The following GRM1 variants were observed in gnomAD, a reference collection of about 807,000 sequenced individuals.
GRM1 encodes the protein metabotropic glutamate receptor 1.
In GRM1, 33 loss-of-function variants were observed where a neutral mutation model predicts 90.9. The ratio of observed to expected loss-of-function variants is 0.36; its 90% CI spans 0.28 to 0.49. The LOEUF (loss-of-function observed/expected upper bound fraction) is 0.49. Ranked by LOEUF, GRM1 falls within the 20% of genes least tolerant of loss-of-function variation. GRM1 has a pLI of 0.99. For synonymous variants in GRM1, 700 were observed against 613.2 expected (o/e 1.14, Z -2.09); for missense variants, 1,190 against 1,534.3 (o/e 0.78, Z 3.75).
chr6:146,388,440 A>T (rs1237959579), intron 6 of GRM1, among the ~76,000 whole-genome samples: 1 of 152,062 alleles, frequency 6.6e-6, no homozygotes, highest in African/African-American at 2.4e-5. Context: ...TATTCAGAGT[A>T]CATAAAAAAT....
chr6:146,347,338 C>T lies in GRM1; in HGVS notation c.1187-4912C>T, dbSNP rs1785220938. 2.6e-5 allele frequency among the ~76,000 whole-genome samples: 4 copies of T among 152,142 alleles called. No individual in the cohort carries two copies. The South Asian group carries it at 8.3e-4, about 31-fold the overall frequency. On this transcript the variant is annotated intron_variant, in intron 3 of 7. Coordinates refer to ENST00000282753, the MANE Select transcript of GRM1 (RefSeq NM_001278064.2). ...CATCTGTCCTTGCTGACTCTGTGAC[C>T]TTGAACTTAGGACTCCTGATTTTAG...
intron 1 of GRM1, among the ~76,000 whole-genome samples, chr6:146,078,636 C>G (rs939034875): frequency 4.6e-5 from 7 of 152,058 alleles, no homozygotes; most frequent in African/African-American, 1.7e-4. Context: ...GATACATATA[C>G]TTGGGTAAAA....
intron 7 of GRM1, among the ~76,000 whole-genome samples, chr6:146,418,703 T>C (rs1413905446): frequency 6.6e-6 from 1 of 152,098 alleles, no homozygotes; most frequent in African/African-American, 2.4e-5. Flanking sequence ...AAATTATTTC[T>C]TGCTAATATT....
intron 1 of GRM1, among the ~76,000 whole-genome samples, chr6:146,153,594 G>A (rs984635294): frequency 1.3e-5 from 2 of 152,096 alleles, no homozygotes; most frequent in African/African-American, 2.4e-5. Context: ...ATGAGAACAC[G>A]TGGACATATG....
chr6:146,262,790 A>G (rs1291974698), intron 2 of GRM1, among the ~76,000 whole-genome samples: 1 of 151,942 alleles, frequency 6.6e-6, no homozygotes, highest in East Asian at 1.9e-4. Flanking sequence ...AAGTAAGTAT[A>G]TTGATAAATA....
At chr6:146,406,872 G>T (rs192251024) in intron 7 of GRM1, among the ~76,000 whole-genome samples, 1 of 152,004 alleles carries the variant, frequency 6.6e-6, no homozygotes, top group East Asian at 1.9e-4. Flanking sequence ...AAAGAATAAA[G>T]GAGAAGGAGA....
chr6:146,319,806 A>G (rs1194630921), intron 3 of GRM1, among the ~76,000 whole-genome samples: 3 of 152,132 alleles, frequency 2.0e-5, no homozygotes, highest in South Asian at 2.1e-4. Context: ...ATTTTTGCAC[A>G]TTGCTTCTGT....
chr6:146,275,256 A>G (rs955758007), intron 2 of GRM1, among the ~76,000 whole-genome samples: 1 of 152,164 alleles, frequency 6.6e-6, no homozygotes, highest in Admixed American at 6.5e-5. Flanking sequence ...AAATTGCAGT[A>G]GGCAGGGCAC....
At chr6:146,282,376 T>A (rs927486114) in intron 2 of GRM1, among the ~76,000 whole-genome samples, 1 of 152,180 alleles carries the variant, frequency 6.6e-6, no homozygotes, top group Non-Finnish European at 1.5e-5. Flanking sequence ...TTGTTTATTG[T>A]ATGTCTGACC....
intron 1 of GRM1, among the ~76,000 whole-genome samples, chr6:146,067,384 T>G (rs1775883555): frequency 6.6e-6 from 1 of 152,226 alleles, no homozygotes; most frequent in Admixed American, 6.5e-5. Flanking sequence ...CAACCACTAT[T>G]ATTGTAAAGT....
intron 2 of GRM1, among the ~76,000 whole-genome samples, chr6:146,207,982 C>T (rs1379739870): frequency 6.6e-6 from 1 of 152,122 alleles, no homozygotes; most frequent in Admixed American, 6.5e-5. Flanking sequence ...TCCCTCCTTT[C>T]CCCTCTTGCA....
At chr6:146,060,080 A>G (rs1316152031) in intron 1 of GRM1, among the ~76,000 whole-genome samples, 4 of 152,054 alleles carry the variant, frequency 2.6e-5, no homozygotes, top group African/African-American at 9.7e-5. Context: ...TGCATTCACA[A>G]CTTGGCTAAC....
Position 146,202,805 on chromosome 6 carries a change from C to G in GRM1, c.950+43208C>G, listed in dbSNP as rs566315783. 1.8e-3 allele frequency among the ~76,000 whole-genome samples: 269 copies of G among 152,286 alleles called. 2 individuals are homozygous for G. The highest frequency in any genetic ancestry group is 6.2e-3 in the African/African-American group (257 of 41,548). The stretch of plus-strand genomic sequence containing the variant: ...GCTGGGTTGGCTGCAAGAACTTCAG[C>G]AGAAAACTTTTTAAAAATTAGTCGA... On this transcript the variant is annotated intron_variant, in intron 2 of 7. Coordinates refer to ENST00000282753, the MANE Select transcript of GRM1 (RefSeq NM_001278064.2).
rs76390831 is a variant in GRM1 at position 146,281,489 on chromosome 6, C to T, written c.951-23122C>T. 1.5e-3 allele frequency among the ~76,000 whole-genome samples: 228 copies of T among 152,194 alleles called. 4 individuals carry two copies. In the East Asian group the frequency reaches 0.037, roughly 25 times the overall value. ...CTAAAGAAATTGTAATTAAAAATGG[C>T]CTTTTGCTATGTTTGACAAAGGACA... On this transcript the variant is annotated intron_variant, in intron 2 of 7. Transcript: ENST00000282753.
Position 146,159,498 on chromosome 6 carries a change from C to T in GRM1, c.851C>T (p.Ala284Val), listed in dbSNP as rs1448466753. Residue 284 changes from alanine (A) to valine (V), a missense_variant, in exon 2 of 8, where the codon GCT (alanine) becomes GTT (valine). By Grantham distance (64) the Ala-to-Val change is moderately conservative (BLOSUM62 0). This residue lies in a region of GRM1 where 45 missense variants were observed against 45.5 expected (regional missense o/e 0.99). Coordinates refer to ENST00000282753, the MANE Select transcript of GRM1 (RefSeq NM_001278064.2). ...AAACTCCGAGAGAGGCTTCCCAAGG[C>T]TAGAGTGGTGGTCTGCTTCTGTGAA... Reference protein sequence around the residue: ...LRKLRERLPKARVVVCFCEGM... With the variant: ...LRKLRERLPKVRVVVCFCEGM... 1 of 1,614,144 alleles carries T rather than the reference C, an allele frequency of 6.2e-7. No individual in the cohort carries two copies. The highest frequency in any genetic ancestry group is 1.1e-5 in the South Asian group (1 of 91,084).
intron 3 of GRM1, among the ~76,000 whole-genome samples, chr6:146,340,703 A>G (rs1784942403): frequency 1.3e-5 from 2 of 151,668 alleles, no homozygotes; most frequent in East Asian, 3.9e-4. Context: ...GCACCACTAC[A>G]CCCAGCTAAT....
intron 2 of GRM1, among the ~76,000 whole-genome samples, chr6:146,199,931 C>T (rs1036792745): frequency 1.2e-4 from 18 of 152,110 alleles, no homozygotes; most frequent in African/African-American, 2.7e-4. Context: ...GCAGGAGAAT[C>T]GCTTGAACCT....
At chr6:146,254,993 G>A (rs2114774536) in intron 2 of GRM1, among the ~76,000 whole-genome samples, 1 of 152,194 alleles carries the variant, frequency 6.6e-6, no homozygotes, top group South Asian at 2.1e-4. Flanking sequence ...TAAGAGATGT[G>A]GCATATAAAT....
intron 3 of GRM1, among the ~76,000 whole-genome samples, chr6:146,349,902 A>G (rs1433570175): frequency 1.3e-5 from 2 of 152,186 alleles, no homozygotes; most frequent in African/African-American, 4.8e-5. Context: ...TTTTATGTTA[A>G]TCTTACCCTT....
Sources: allele counts gnomAD v4.1 joint callset (sites outside exome capture counted in the v4.1 genomes callset), GRCh38; gene constraint gnomAD v4.1.1; regional missense constraint gnomAD v4.1.1; transcripts MANE v1.5; gene names NCBI Gene and HGNC (gene_info 2026-07-23, HGNC 2026-07-21).